TAF4B: variants seen among roughly 807,000 people sequenced by gnomAD.
TAF4B encodes the protein TATA-box binding protein associated factor 4b.
TAF4B carries 38 observed loss-of-function variants against 86.4 expected under a neutral mutation model. The ratio of observed to expected loss-of-function variants is 0.44; its 90% CI spans 0.34 to 0.58. TAF4B has a LOEUF of 0.58. Ranked by LOEUF, TAF4B falls within the 20% of genes least tolerant of loss-of-function variation. The probability of loss-of-function intolerance (pLI) is 0.02; values close to 1 mark genes in which losing one functional copy is unlikely to be tolerated. For missense variants in TAF4B, 988 were observed against 1,027.6 expected, an observed-to-expected ratio of 0.96 and a Z score of 0.53; for synonymous variants, 388 against 391.2, an observed-to-expected ratio of 0.99 and a Z score of 0.10.
chr18:26,274,683 T>C lies in TAF4B; in HGVS notation c.618T>C (p.Ser206=). Reference sequence around the variant, plus strand: ...TTCAGTCTGTGGCTGTGCCAACCAGTGTCGTCACAGTTACTCCTGGAAAGC... The same window carrying C: ...TTCAGTCTGTGGCTGTGCCAACCAGCGTCGTCACAGTTACTCCTGGAAAGC... ...SSVQSVAVPT[S]VVTVTPGKPL... The change falls in exon 4 of 15, where the codon AGT becomes AGC. Residue 206 remains serine, a synonymous_variant. Coordinates refer to ENST00000269142, the MANE Select transcript of TAF4B (RefSeq NM_005640.3). The C allele has an allele frequency of 1.2e-6, 2 of 1,614,188 alleles. No homozygotes were observed. The highest frequency in any genetic ancestry group is 1.1e-5 in the South Asian group (1 of 91,082).
intron 13 of TAF4B, among the ~76,000 whole-genome samples, chr18:26,336,650 C>G (rs1336908991): frequency 6.6e-6 from 1 of 152,162 alleles, no homozygotes; most frequent in East Asian, 1.9e-4. Flanking sequence ...AGTATGAGAA[C>G]TGTACCTATA....
chr18:26,336,239 T>G (rs1368685972), intron 13 of TAF4B, among the ~76,000 whole-genome samples: 2 of 152,250 alleles, frequency 1.3e-5, no homozygotes, highest in Non-Finnish European at 2.9e-5. Context: ...ATCTTTGTGC[T>G]AAATAAGAGT....
chr18:26,260,455 TGTATAAG>T (rs1400663139), intron 1 of TAF4B, among the ~76,000 whole-genome samples: 2 of 152,224 alleles, frequency 1.3e-5, no homozygotes, highest in Non-Finnish European at 2.9e-5. Context: ...AATTAAGTTT[TGTATAAG>T]GTATAAGGAA....
chr18:26,288,253 A>G (rs1445254002), intron 7 of TAF4B, among the ~76,000 whole-genome samples: 1 of 152,234 alleles, frequency 6.6e-6, no homozygotes, highest in Admixed American at 6.5e-5. Flanking sequence ...AAAGCATGTC[A>G]TTATATGCTA....
At chr18:26,237,684 A>T (rs2055769985) in intron 1 of TAF4B, among the ~76,000 whole-genome samples, 2 of 152,188 alleles carry the variant, frequency 1.3e-5, no homozygotes, top group Non-Finnish European at 2.9e-5. Context: ...GAAAGCTTGG[A>T]CGTAAGATAC....
At chr18:26,333,389 ATTTAT>A (rs1012515404) in intron 12 of TAF4B, among the ~76,000 whole-genome samples, 22 of 146,876 alleles carry the variant, frequency 1.5e-4, no homozygotes, top group Non-Finnish European at 4.5e-5. Flanking sequence ...CCCAAATTAA[ATTTAT>A]TTTATTTTGA....
intron 1 of TAF4B, among the ~76,000 whole-genome samples, chr18:26,262,935 A>T (rs2056189738): frequency 1.3e-5 from 2 of 152,168 alleles, no homozygotes; most frequent in African/African-American, 2.4e-5. Context: ...CTTTTGACAC[A>T]AAAGACTTTT....
chr18:26,344,525 A>G (rs1208321702), intron 13 of TAF4B, among the ~76,000 whole-genome samples: 1 of 152,250 alleles, frequency 6.6e-6, no homozygotes, highest in Non-Finnish European at 1.5e-5. Context: ...AAGAAAATTC[A>G]TTGCCAACAG....
Position 26,276,895 on chromosome 18 carries a change from A to G in TAF4B, c.882+1842A>G, listed in dbSNP as rs1202786084. ...ACATATGTGTGAATTTTATGGACAG[A>G]TAGAAACAGTTAGGAATTAAATATT... On this transcript the variant is annotated intron_variant, in intron 5 of 14. Transcript: ENST00000269142. 2.6e-5 allele frequency among the ~76,000 whole-genome samples: 4 copies of G among 152,194 alleles called. No homozygotes were observed. The East Asian group carries it at 5.8e-4, about 22-fold the overall frequency.
chr18:26,267,362 A>G (rs1173848191), intron 2 of TAF4B, 154 bp from the exon 3 acceptor site: 2 of 527,332 alleles, frequency 3.8e-6, no homozygotes, highest in African/African-American at 1.9e-5. Flanking sequence ...AGTTAGGTTT[A>G]TAGTATAGAA....
At chr18:26,294,669 A>G (rs1163001237) in intron 9 of TAF4B, among the ~76,000 whole-genome samples, 1 of 149,526 alleles carries the variant, frequency 6.7e-6, no homozygotes, top group African/African-American at 2.4e-5. Context: ...ATTTATGAAT[A>G]TTTATATTAA....
In TAF4B at chr18:26,282,069, A is replaced by T; in HGVS notation, c.972+9A>T. 2 of 1,590,060 alleles carry T rather than the reference A, an allele frequency of 1.3e-6. No individual in the cohort carries two copies. Among genetic ancestry groups the T allele is most frequent in the Non-Finnish European group, 1.7e-6 (2 of 1,161,390 alleles). ...TGGTTCCTTTTCTTAAGGTAGAGTTATGTGTCACTTAGAAGAAATAATTTG... is the reference window on the plus strand; with the variant it reads ...TGGTTCCTTTTCTTAAGGTAGAGTTTTGTGTCACTTAGAAGAAATAATTTG... On this transcript the variant is annotated intron_variant, in intron 6 of 14. Coordinates refer to ENST00000269142, the MANE Select transcript of TAF4B (RefSeq NM_005640.3).
intron 3 of TAF4B, among the ~76,000 whole-genome samples, chr18:26,274,088 C>T (rs547000298): frequency 1.3e-5 from 2 of 152,258 alleles, no homozygotes; most frequent in African/African-American, 4.8e-5. Flanking sequence ...GCTAGAGTCA[C>T]ACCTCATTTT....
chr18:26,295,033 C>G (rs1038445301), intron 9 of TAF4B, among the ~76,000 whole-genome samples: 1 of 148,620 alleles, frequency 6.7e-6, no homozygotes, highest in Non-Finnish European at 1.5e-5. Flanking sequence ...AAAATATTTC[C>G]AAATTGTTTA....
chr18:26,246,897 T>G (rs1488000163), intron 1 of TAF4B, among the ~76,000 whole-genome samples: 4 of 149,676 alleles, frequency 2.7e-5, no homozygotes, highest in Non-Finnish European at 5.9e-5. Flanking sequence ...GTTGCCCAGG[T>G]TGGAGTGCAG....
intron 4 of TAF4B, 41 bp downstream of exon 4, chr18:26,274,865 C>A: frequency 1.2e-6 from 2 of 1,613,072 alleles, no homozygotes. Context: ...TTGTTCCTTG[C>A]AAGTTCTTTT....
chr18:26,368,328 G>A (rs1384761433), intron 14 of TAF4B, among the ~76,000 whole-genome samples: 4 of 152,082 alleles, frequency 2.6e-5, no homozygotes, highest in Non-Finnish European at 4.4e-5. Context: ...AATTATTTTG[G>A]AAAACCCAAA....
intron 1 of TAF4B, among the ~76,000 whole-genome samples, chr18:26,264,229 AG>A: frequency 6.6e-6 from 1 of 152,332 alleles, no homozygotes; most frequent in East Asian, 1.9e-4. Flanking sequence ...ACCTGGGATC[AG>A]GGATTTGAGA....
chr18:26,332,678 C>T (rs1430898979), intron 12 of TAF4B, among the ~76,000 whole-genome samples: 2 of 151,852 alleles, frequency 1.3e-5, no homozygotes, highest in Non-Finnish European at 2.9e-5. Flanking sequence ...TACAGGTGCC[C>T]GCCACCATGC....
Sources: allele counts gnomAD v4.1 joint callset (sites outside exome capture counted in the v4.1 genomes callset), GRCh38; gene constraint gnomAD v4.1.1; transcripts MANE v1.5; gene names NCBI Gene and HGNC (gene_info 2026-07-23, HGNC 2026-07-21).